Variants in STAC observed in about 807,000 individuals in gnomAD.
The protein encoded by STAC is SH3 and cysteine rich domain.
STAC carries 43 observed loss-of-function variants against 48.8 expected under a neutral mutation model. That is an observed-to-expected ratio of 0.88 (90% CI 0.69 to 1.14). STAC has a LOEUF of 1.14. STAC is among the 50% of genes most tolerant of loss of function. The pLI, the probability that STAC is intolerant of heterozygous loss-of-function variation, is 0.00. For missense variants in STAC, 497 were observed against 504.0 expected (o/e 0.99, Z 0.13); for synonymous variants, 193 against 179.5 (o/e 1.07, Z -0.60).
chr3:36,460,008 T>C (rs895378751), intron 2 of STAC, among the ~76,000 whole-genome samples: 3 of 152,122 alleles, frequency 2.0e-5, no homozygotes, highest in African/African-American at 7.2e-5. Flanking sequence ...CAGTCTCTAC[T>C]TGGCAACCTT....
chr3:36,492,031 A>AATATATATAT lies in STAC; in HGVS notation c.688-1093_688-1084dup, dbSNP rs11267408. Among the ~76,000 whole-genome samples the AATATATATAT allele has an allele frequency of 3.7e-3, 61 of 16,430 alleles. 1 individual carries two copies. Among genetic ancestry groups the AATATATATAT allele is most frequent in the Non-Finnish European group, 4.2e-3 (36 of 8,486 alleles). The allele number at this position is 16,430 out of a possible 152,430, so 10.8% of individuals were successfully genotyped here. A position where few individuals can be genotyped will look rare whatever the true frequency, so the allele number is the denominator to read the frequency against. ...AAAAAAAAAAAAAAAAAAAAAAAAA[A>AATATATATAT]ATATATATATATATATATATATATA... On this transcript the variant is annotated intron_variant, in intron 5 of 10. Coordinates refer to ENST00000273183, the MANE Select transcript of STAC (RefSeq NM_003149.3).
intron 1 of STAC, among the ~76,000 whole-genome samples, chr3:36,400,717 C>A (rs73056089): frequency 0.023 from 3,549 of 152,210 alleles, 61 homozygotes; most frequent in East Asian, 0.026. Flanking sequence ...TGCTGATGCT[C>A]GTGCTAGTAA....
At chr3:36,463,696 G>A (rs1317282008) in intron 2 of STAC, among the ~76,000 whole-genome samples, 2 of 120,028 alleles carry the variant, frequency 1.7e-5, no homozygotes, top group Admixed American at 1.2e-4. Flanking sequence ...CCCAGTGTGC[G>A]ATGTTCCCCT....
intron 2 of STAC, among the ~76,000 whole-genome samples, chr3:36,461,236 G>A (rs759055814): frequency 2.0e-4 from 30 of 152,166 alleles, no homozygotes; most frequent in Non-Finnish European, 5.9e-5. Flanking sequence ...TAAATCTGCA[G>A]AACCACTTGA....
At chr3:36,544,958 G>C (rs1361711952) in intron 10 of STAC, among the ~76,000 whole-genome samples, 2 of 152,200 alleles carry the variant, frequency 1.3e-5, no homozygotes, top group Admixed American at 6.5e-5. Flanking sequence ...TATGTCCCAA[G>C]CTCCAGGAGT....
chr3:36,456,846 C>T (rs1696869072), intron 2 of STAC, among the ~76,000 whole-genome samples: 1 of 152,186 alleles, frequency 6.6e-6, no homozygotes, highest in South Asian at 2.1e-4. Context: ...CCACAGCTCC[C>T]ACCCTGATTC....
At chr3:36,462,077 T>C (rs1697034488) in intron 2 of STAC, among the ~76,000 whole-genome samples, 7 of 152,102 alleles carry the variant, frequency 4.6e-5, no homozygotes, top group Admixed American at 4.6e-4. Context: ...GCAGGAAGAA[T>C]AGAGACAGGG....
intron 6 of STAC, among the ~76,000 whole-genome samples, chr3:36,499,995 A>G (rs1336562888): frequency 2.0e-5 from 3 of 152,206 alleles, no homozygotes; most frequent in Non-Finnish European, 2.9e-5. Flanking sequence ...CTAAACTTGC[A>G]TATACCTGAT....
At chr3:36,444,816 C>A (rs73065742) in intron 2 of STAC, among the ~76,000 whole-genome samples, 3,670 of 152,166 alleles carry the variant, frequency 0.024, 72 homozygotes, top group South Asian at 0.063. Context: ...TAAGTCTTGG[C>A]GCTCCCACCC....
chr3:36,451,142 A>G (rs1473020709), intron 2 of STAC, among the ~76,000 whole-genome samples: 1 of 152,056 alleles, frequency 6.6e-6, no homozygotes, highest in Non-Finnish European at 1.5e-5. Context: ...GTGTGTGTGT[A>G]CTGTGTTTCA....
chr3:36,456,092 T>A (rs1319118771), intron 2 of STAC, among the ~76,000 whole-genome samples: 1 of 151,542 alleles, frequency 6.6e-6, no homozygotes, highest in Non-Finnish European at 1.5e-5. Flanking sequence ...CACTCCTGCC[T>A]CCAGTCAGGG....
chr3:36,448,564 G>A (rs1033835177), intron 2 of STAC, among the ~76,000 whole-genome samples: 46 of 152,144 alleles, frequency 3.0e-4, no homozygotes, highest in African/African-American at 1.1e-3. Flanking sequence ...CTGGAACATA[G>A]TCATGCTAAG....
intron 8 of STAC, among the ~76,000 whole-genome samples, chr3:36,519,310 T>C (rs1698746349): frequency 6.6e-6 from 1 of 152,236 alleles, no homozygotes; most frequent in African/African-American, 2.4e-5. Context: ...GAATGGACGC[T>C]TGGCTGTTTA....
At chr3:36,496,817 G>A (rs537630366) in intron 6 of STAC, among the ~76,000 whole-genome samples, 80 of 152,254 alleles carry the variant, frequency 5.3e-4, no homozygotes, top group African/African-American at 1.8e-3. Flanking sequence ...AGCTCCAAAT[G>A]CCAAATAATA....
chr3:36,527,668 T>C (rs983893422), intron 8 of STAC, among the ~76,000 whole-genome samples: 7 of 152,198 alleles, frequency 4.6e-5, no homozygotes, highest in Admixed American at 1.3e-4. Flanking sequence ...GAGAACATCA[T>C]AGATGGGAGA....
At chr3:36,508,458 C>A (rs999930258) in intron 8 of STAC, among the ~76,000 whole-genome samples, 2 of 152,116 alleles carry the variant, frequency 1.3e-5, no homozygotes, top group African/African-American at 4.8e-5. Context: ...GAGCTGAGTT[C>A]AAGTCCTGAA....
chr3:36,511,847 T>C (rs960279601), intron 8 of STAC, among the ~76,000 whole-genome samples: 1 of 152,218 alleles, frequency 6.6e-6, no homozygotes, highest in African/African-American at 2.4e-5. Context: ...TGAGAGCCAC[T>C]GAAATGCTTC....
At position 36,547,049 on chromosome 3, in the gene STAC, T is replaced by C. The variant is rs1344448603; in HGVS notation, c.*760T>C. On this transcript the variant is annotated 3_prime_UTR_variant, in exon 11 of 11. Transcript: ENST00000273183. ...ACATAGATACAGTGGGGAGGAGAAG[T>C]GGGGAAAGGTGGAGCAGAGAGTTCT... The C allele has an allele frequency of 6.6e-6, 1 of 152,282 alleles. No individual in the cohort carries two copies. Among genetic ancestry groups the C allele is most frequent in the Non-Finnish European group, 1.5e-5 (1 of 68,190 alleles). The allele number at this position is 152,282 out of a possible 1,614,324, so 9.4% of individuals were successfully genotyped here.
chr3:36,392,295 C>T (rs72856341), intron 1 of STAC, among the ~76,000 whole-genome samples: 149 of 152,218 alleles, frequency 9.8e-4, no homozygotes, highest in African/African-American at 3.2e-3. Context: ...TCCTCAAGTT[C>T]CTCTCTGATG....
Sources: gnomAD v4.1 joint callset for allele counts (sites outside exome capture counted in the v4.1 genomes callset) on GRCh38, gnomAD v4.1.1 for gene constraint, MANE v1.5 for transcripts, NCBI Gene and HGNC (gene_info 2026-07-23, HGNC 2026-07-21) for gene names.